Variants in CASKIN2 observed in about 807,000 individuals in gnomAD.
CASKIN2 encodes the protein caskin-2.
In CASKIN2, 41 loss-of-function variants were observed where a neutral mutation model predicts 107.1. That is an observed-to-expected ratio of 0.38 (90% confidence interval 0.30 to 0.50). CASKIN2 has a LOEUF of 0.50. Among genes scored for constraint, CASKIN2 ranks in the 20% least tolerant of loss-of-function variants. CASKIN2 has a pLI of 0.92. For missense variants in CASKIN2, 1,546 were observed against 1,657.4 expected (o/e 0.93, Z 1.17); for synonymous variants, 724 against 705.6 (o/e 1.03, Z -0.41).
At position 75,513,809 on chromosome 17, in the gene CASKIN2, G is replaced by A; in HGVS notation, c.-5C>T. The stretch of plus-strand genomic sequence containing the variant: ...CAGGTCCTGTTCACGACCCATACTG[G>A]CTCCTGGGCTGAGCTCTACACTCAG... On this transcript the variant is annotated 5_prime_UTR_variant, in exon 2 of 20. Coordinates refer to ENST00000321617, the MANE Select transcript of CASKIN2 (RefSeq NM_020753.5). The A allele has an allele frequency of 6.3e-7, 1 of 1,599,586 alleles. No individual in the cohort carries two copies. The highest frequency in any genetic ancestry group is 8.5e-7 in the Non-Finnish European group (1 of 1,173,194).
intron 2 of CASKIN2, among the ~76,000 whole-genome samples, chr17:75,510,785 TCTTA>T (rs34960242): frequency 0.52 from 78,190 of 151,344 alleles, 23,800 homozygotes; most frequent in Non-Finnish European, 0.69. Context: ...AGAGATGGCA[TCTTA>T]CTATGTTGCC....
At position 75,502,894 on chromosome 17, in the gene CASKIN2, G is replaced by A. The variant is rs140847529; in HGVS notation, c.2180C>T (p.Pro727Leu). The A allele has an allele frequency of 6.5e-6, 10 of 1,544,944 alleles. No homozygotes were observed. Among genetic ancestry groups the A allele is most frequent in the Non-Finnish European group, 7.9e-6 (9 of 1,145,202 alleles). ...PQPSGGDPSP[P>L]QERNLPEGTE... ...GCCCTCTGGGAGGTTCCTCTCCTGG[G>A]GGGGGCTGGGATCTCCACCGCTGGG... The change falls in exon 18 of 20, where the codon CCC becomes CTC. Residue 727 changes from proline to leucine, a missense_variant. Coordinates refer to ENST00000321617, the MANE Select transcript of CASKIN2 (RefSeq NM_020753.5). This position sits in a 1 kb window ranked among gnomAD's most constrained non-coding sequence, Gnocchi z 4.3.
At chr17:75,508,350 C>A (rs1172609733) in intron 2 of CASKIN2, 65 bp from the exon 3 acceptor site, 7 of 1,543,862 alleles carry the variant, frequency 4.5e-6, no homozygotes, top group African/African-American at 1.4e-5. Flanking sequence ...ATCCCTCCCC[C>A]CACCTGTCAC....
chr17:75,515,277 A>T (rs1398703547), intron 1 of CASKIN2, 124 bp downstream of exon 1: 2 of 152,232 alleles, frequency 1.3e-5, no homozygotes, highest in Non-Finnish European at 2.9e-5. Context: ...CGGAGGATGG[A>T]AAAAGGGGCG....
chr17:75,504,771 C>G (rs371050079), intron 11 of CASKIN2, 41 bp downstream of exon 11: 7 of 1,584,212 alleles, frequency 4.4e-6, no homozygotes, highest in South Asian at 2.3e-5. Context: ...CCAGGCCACA[C>G]GCCCACACAG....
At chr17:75,504,177 C>A (rs927319654) in intron 14 of CASKIN2, 38 bp downstream of exon 14, 4 of 1,540,558 alleles carry the variant, frequency 2.6e-6, no homozygotes, top group Non-Finnish European at 3.5e-6. Flanking sequence ...TCACACCTTC[C>A]CCCCCGAGGC....
chr17:75,502,054 A>G lies in CASKIN2; in HGVS notation c.3020T>C (p.Leu1007Pro). 3 of 1,612,386 alleles carry G rather than the reference A, an allele frequency of 1.9e-6. No homozygotes were observed. In the South Asian group the frequency reaches 3.3e-5, roughly 18 times the overall value. The change falls in exon 18 of 20, where the codon CTG (leucine) becomes CCG (proline). Residue 1007 changes from leucine to proline, a missense_variant. Leu to Pro is a moderately conservative substitution (Grantham distance 98). Coordinates refer to ENST00000321617, the MANE Select transcript of CASKIN2 (RefSeq NM_020753.5). This position sits in a 1 kb window ranked among gnomAD's most constrained non-coding sequence, Gnocchi z 4.3. ...CGTGGCACTGGCCACTCCGAAGGCC[A>G]GCAGTGCGGTCTGCAGTGGCTCTCT... ...REREPLQTAL[L>P]AFGVASATPG...
rs776829959 is a variant in CASKIN2, at chr17:75,503,682, C to T, written c.1657G>A (p.Glu553Lys). The T allele has an allele frequency of 6.8e-5, 109 of 1,612,096 alleles. No homozygotes were observed. The highest frequency in any genetic ancestry group is 1.8e-4 in the South Asian group (16 of 91,088). Residue 553 changes from glutamate to lysine, a missense_variant, in exon 16 of 20, where the codon GAG (glutamate) becomes AAG (lysine). By Grantham distance (56) the Glu-to-Lys change is moderately conservative. Transcript: ENST00000321617. ...ASEIAQLSIA[E>K]WLPSYIPTDL... ...ACTGGGATGTAGCTGGGCAGCCACT[C>T]GGCGATGCTGAGCTGAGCGATCTCT...
At chr17:75,514,522 C>G (rs981269194) in intron 1 of CASKIN2, among the ~76,000 whole-genome samples, 2 of 152,132 alleles carry the variant, frequency 1.3e-5, no homozygotes, top group African/African-American at 4.8e-5. Flanking sequence ...CAGGCCGGGC[C>G]AGCAGCCTGT....
At position 75,506,724 on chromosome 17, in the gene CASKIN2, C is replaced by A. The variant is rs1250923028; in HGVS notation, c.487-11G>T. ...AAGCAGCTGGGCCACCTGCAGCACC[C>A]AGTGCCCAGTTAGAGCCTCCTCCTG... On this transcript the variant is annotated splice_polypyrimidine_tract_variant and intron_variant, in intron 6 of 19. Transcript: ENST00000321617. This position sits in a 1 kb window ranked among gnomAD's most constrained non-coding sequence, Gnocchi z 4.8. The A allele has an allele frequency of 6.2e-7, 1 of 1,613,596 alleles. No homozygotes were observed.
In CASKIN2 at chr17:75,508,263, C is replaced by T. The variant is rs1277810708; in HGVS notation, c.117G>A (p.Arg39=). Reference sequence around the variant, plus strand: ...CAGCATCCTGGTAGTTCACGTTGAGCCTCTTTGTGGAGCCCAGGAGCTCTA... The same window carrying T: ...CAGCATCCTGGTAGTTCACGTTGAGTCTCTTTGTGGAGCCCAGGAGCTCTA... ...TKTKLLGSTK[R]LNVNYQDADG... Residue 39 remains arginine, a synonymous_variant, in exon 3 of 20, where the codon AGG becomes AGA. Coordinates refer to ENST00000321617, the MANE Select transcript of CASKIN2 (RefSeq NM_020753.5). 2 of 1,613,786 alleles carry T rather than the reference C, an allele frequency of 1.2e-6. No homozygotes were observed. The highest frequency in any genetic ancestry group is 1.7e-6 in the Non-Finnish European group (2 of 1,179,904).
Position 75,514,006 on chromosome 17 carries a change from C to A in CASKIN2, c.-202G>T, listed in dbSNP as rs2053336090. On this transcript the variant is annotated 5_prime_UTR_variant, in exon 2 of 20. Coordinates refer to ENST00000321617, the MANE Select transcript of CASKIN2 (RefSeq NM_020753.5). ...AGGTGCTCCGTGAACTGCCACCACA[C>A]GAAGGAAAGCTAATCTTTGAGGGGG... is the stretch of plus-strand genomic sequence containing the variant. 9 of 590,074 alleles carry A rather than the reference C, an allele frequency of 1.5e-5. No individual in the cohort carries two copies. Among genetic ancestry groups the A allele is most frequent in the Non-Finnish European group, 2.7e-5 (9 of 330,706 alleles). 36.6% of individuals were successfully genotyped at this position (590,074 alleles called of 1,614,324 possible).
chr17:75,504,539 G>A, intron 12 of CASKIN2, 33 bp downstream of exon 12: 1 of 1,596,116 alleles, frequency 6.3e-7, no homozygotes, highest in Non-Finnish European at 8.6e-7. Context: ...TGGGGAGTGA[G>A]CCCTGACCTG....
At position 75,514,024 on chromosome 17, in the gene CASKIN2, T is replaced by C; in HGVS notation, c.-220A>G. ...CACCACACGAAGGAAAGCTAATCTT[T>C]GAGGGGGTGAAGGCTACATGGAAAT... On this transcript the variant is annotated 5_prime_UTR_variant, in exon 2 of 20. Transcript: ENST00000321617. The C allele has an allele frequency of 1.7e-6, 1 of 589,286 alleles. No homozygotes were observed. The highest frequency in any genetic ancestry group is 3.0e-6 in the Non-Finnish European group (1 of 330,502). 36.5% of individuals were successfully genotyped at this position (589,286 alleles called of 1,614,324 possible). A position where few individuals can be genotyped will look rare whatever the true frequency, so the allele number is the denominator to read the frequency against.
In CASKIN2 at chr17:75,501,754, C is replaced by T. The variant is rs1446039375; in HGVS notation, c.3295+25G>A. 4.6e-6 allele frequency: 7 copies of T among 1,528,896 alleles called. No individual in the cohort carries two copies. The East Asian group carries it at 1.1e-4, about 25-fold the overall frequency. The allele number at this position is 1,528,896 out of a possible 1,614,324, so 94.7% of individuals were successfully genotyped here. ...TCAGACACAACCCTGCCAGCAGTGA[C>T]TCTCCCACAGGCCTCCCCTCTTACC... is the stretch of plus-strand genomic sequence containing the variant. On this transcript the variant is annotated intron_variant, in intron 18 of 19. Transcript: ENST00000321617.
chr17:75,508,312 G>C, intron 2 of CASKIN2, 27 bp from the exon 3 acceptor site: 2 of 1,611,044 alleles, frequency 1.2e-6, no homozygotes, highest in South Asian at 1.1e-5. Flanking sequence ...GAGGTGTCAG[G>C]GCCATCAGAT....
Position 75,506,883 on chromosome 17 carries a change from G to A in CASKIN2, c.402C>T (p.Leu134=), listed in dbSNP as rs2053271281. 3.7e-6 allele frequency: 6 copies of A among 1,611,862 alleles called. No individual in the cohort carries two copies. Among genetic ancestry groups the A allele is most frequent in the East Asian group, 2.2e-5 (1 of 44,866 alleles). Residue 134 remains leucine, a synonymous_variant, in exon 6 of 20, where the codon CTC becomes CTT. Coordinates refer to ENST00000321617, the MANE Select transcript of CASKIN2 (RefSeq NM_020753.5). The surrounding 1 kb of genome is among the most constrained non-coding windows in gnomAD (Gnocchi z 4.8). ...QYGHYEVSEM[L]LQHQSNPCLV... ...GGCATGGGTTGGACTGATGCTGGAG[G>A]AGCATTTCTGACTGGGGTTGGGGGA...
chr17:75,505,999 C>G lies in CASKIN2; in HGVS notation c.727-70G>C. On this transcript the variant is annotated intron_variant, in intron 8 of 19. Transcript: ENST00000321617. The surrounding 1 kb of genome is among the most constrained non-coding windows in gnomAD (Gnocchi z 5.1). ...CCCCTCACCCGATTCTCTCAGCTACCCGGGACATAGGTACTATTACCATTT... is the reference window on the plus strand; with the variant it reads ...CCCCTCACCCGATTCTCTCAGCTACGCGGGACATAGGTACTATTACCATTT... 7.4e-7 allele frequency: 1 copy of G among 1,348,988 alleles called. No homozygotes were observed. Among genetic ancestry groups the G allele is most frequent in the Non-Finnish European group, 1.0e-6 (1 of 958,660 alleles). The allele number at this position is 1,348,988 out of a possible 1,614,324, so 83.6% of individuals were successfully genotyped here. A position where few individuals can be genotyped will look rare whatever the true frequency, so the allele number is the denominator to read the frequency against.
In CASKIN2 at chr17:75,513,701, C is replaced by T. The variant is rs755594448; in HGVS notation, c.94+10G>A. The stretch of plus-strand genomic sequence containing the variant: ...GCCTCAGCGGGATGCTCGTCCCACC[C>T]GGTACTCACTTGTCTTTGTGGCCTT... On this transcript the variant is annotated intron_variant, in intron 2 of 19. Transcript: ENST00000321617. The T allele has an allele frequency of 5.9e-5, 95 of 1,612,966 alleles. No individual in the cohort carries two copies. Among genetic ancestry groups the T allele is most frequent in the African/African-American group, 9.3e-5 (7 of 74,928 alleles).
Sources: gnomAD v4.1 joint callset for allele counts (sites outside exome capture counted in the v4.1 genomes callset) on GRCh38, gnomAD v4.1.1 for gene constraint, Gnocchi (gnomAD v3.1) non-coding constraint, MANE v1.5 for transcripts, NCBI Gene and HGNC (gene_info 2026-07-23, HGNC 2026-07-21) for gene names.